Variants in MBNL2 observed in about 807,000 individuals in gnomAD.
MBNL2 encodes muscleblind like splicing regulator 2.
In MBNL2, 17 loss-of-function variants were observed where a neutral mutation model predicts 41.9. The ratio of observed to expected loss-of-function variants is 0.41; its 90% confidence interval spans 0.28 to 0.61. MBNL2 has a LOEUF of 0.61. MBNL2 is among the 20% of genes least tolerant of loss of function. The pLI, the probability that MBNL2 is intolerant of heterozygous loss-of-function variation, is 0.35. For missense variants in MBNL2, 336 were observed against 505.6 expected (o/e 0.66, Z 3.22); for synonymous variants, 195 against 182.9 (o/e 1.07, Z -0.53).
At chr13:97,174,325 G>T in the MBNL2 span, among the ~76,000 whole-genome samples, 1 of 152,146 alleles carries the variant, frequency 6.6e-6, no homozygotes, top group Non-Finnish European at 1.5e-5. Context: ...ACACAGAAAA[G>T]TTGACCCTTC....
At chr13:97,283,125 G>A (rs9516889) in intron 2 of MBNL2, among the ~76,000 whole-genome samples, 86,921 of 151,910 alleles carry the variant, frequency 0.57, 25,934 homozygotes, top group East Asian at 0.7. Context: ...CTTTCACCAC[G>A]CTCACCGCCC....
chr13:97,155,434 C>T, the MBNL2 span, among the ~76,000 whole-genome samples: 7 of 147,834 alleles, frequency 4.7e-5, no homozygotes, highest in East Asian at 2.0e-4. Context: ...TTAGGGTACA[C>T]GTGCACATTG....
chr13:97,367,749 G>A (rs1335224506), intron 8 of MBNL2, among the ~76,000 whole-genome samples: 1 of 152,122 alleles, frequency 6.6e-6, no homozygotes, highest in Non-Finnish European at 1.5e-5. Context: ...AGGGGAGGCC[G>A]AACAGCAGTG....
At chr13:97,150,857 G>T in the MBNL2 span, among the ~76,000 whole-genome samples, 1 of 152,170 alleles carries the variant, frequency 6.6e-6, no homozygotes, top group Admixed American at 6.6e-5. Flanking sequence ...TGACTGTGGG[G>T]CTGCCCAGGG....
the MBNL2 span, among the ~76,000 whole-genome samples, chr13:97,198,138 A>G: frequency 3.3e-5 from 5 of 152,148 alleles, no homozygotes; most frequent in Admixed American, 1.3e-4. Flanking sequence ...TTAAAGTAGT[A>G]GACTGAGTAA....
At position 97,346,906 on chromosome 13, in the gene MBNL2, G is replaced by T. The variant is rs149200518; in HGVS notation, c.643G>T (p.Val215Leu). ...CATGATCGACACAAGTGACAACACC[G>T]TAACCGTTTGTATGGATTACATAAA... ...STMIDTSDNT[V>L]TVCMDYIKGR... The change falls in exon 5 of 9, where the codon GTA (valine) becomes TTA (leucine). Residue 215 changes from valine (V) to leucine (L), a missense_variant. Physicochemically the swap from Val to Leu is conservative, Grantham distance 32. Coordinates refer to ENST00000679496, the MANE Select transcript of MBNL2 (RefSeq NM_001382683.1). The surrounding 1 kb of genome is among the most constrained non-coding windows in gnomAD (Gnocchi z 4.2). The T allele has an allele frequency of 6.2e-7, 1 of 1,613,954 alleles. No homozygotes were observed. The highest frequency in any genetic ancestry group is 1.3e-5 in the African/African-American group (1 of 74,928).
the MBNL2 span, among the ~76,000 whole-genome samples, chr13:97,152,441 C>T: frequency 5.9e-5 from 9 of 152,084 alleles, no homozygotes; most frequent in East Asian, 3.9e-4. Flanking sequence ...ATTAAAAGTA[C>T]GGCCAAGTGC....
chr13:97,170,507 C>T, the MBNL2 span, among the ~76,000 whole-genome samples: 1 of 152,062 alleles, frequency 6.6e-6, no homozygotes, highest in Non-Finnish European at 1.5e-5. Context: ...ATGGAAAGCT[C>T]GTAGGTTAGG....
chr13:97,280,780 C>T (rs1282565119), intron 2 of MBNL2, among the ~76,000 whole-genome samples: 3 of 152,246 alleles, frequency 2.0e-5, no homozygotes, highest in Non-Finnish European at 4.4e-5. Context: ...CTTGCTCTTT[C>T]CTCTGTTTGG....
rs755365350 is a variant in MBNL2 at position 97,334,470 on chromosome 13, G to T, written c.339+30G>T. ...GTACATCTTTATTCAGTGATGAGTTGGATGGTTACAGTGTTGGTATGGATG... is the reference window on the plus strand; with the variant it reads ...GTACATCTTTATTCAGTGATGAGTTTGATGGTTACAGTGTTGGTATGGATG... On this transcript the variant is annotated intron_variant, in intron 3 of 8. Transcript: ENST00000679496. This position sits in a 1 kb window ranked among gnomAD's most constrained non-coding sequence, Gnocchi z 5.3. 1.4e-5 allele frequency: 22 copies of T among 1,566,354 alleles called. No homozygotes were observed. In the African/African-American group the frequency reaches 1.5e-4, roughly 11 times the overall value.
At chr13:97,339,362 A>G (rs1021097375) in intron 3 of MBNL2, among the ~76,000 whole-genome samples, 41 of 151,866 alleles carry the variant, frequency 2.7e-4, no homozygotes, top group Non-Finnish European at 5.2e-4. Flanking sequence ...GCGGAGAGGA[A>G]CACGGGAAGG....
At chr13:97,274,088 T>C (rs1417379884) in intron 1 of MBNL2, among the ~76,000 whole-genome samples, 1 of 151,844 alleles carries the variant, frequency 6.6e-6, no homozygotes, top group African/African-American at 2.4e-5. Flanking sequence ...ATTAAAAAAC[T>C]TAAAAAGCCC....
At chr13:97,194,759 A>T in the MBNL2 span, among the ~76,000 whole-genome samples, 1 of 152,208 alleles carries the variant, frequency 6.6e-6, no homozygotes, top group Non-Finnish European at 1.5e-5. Flanking sequence ...TGCTTATTAT[A>T]TGCTAATTGT....
chr13:97,296,561 A>C (rs2057044410), intron 2 of MBNL2, among the ~76,000 whole-genome samples: 2 of 152,294 alleles, frequency 1.3e-5, no homozygotes, highest in South Asian at 4.2e-4. Flanking sequence ...AGAATTTTTC[A>C]GTGTAGCTAT....
the MBNL2 span, among the ~76,000 whole-genome samples, chr13:97,177,957 TC>T: frequency 6.6e-6 from 1 of 152,200 alleles, no homozygotes; most frequent in East Asian, 1.9e-4. Flanking sequence ...GTAAGTTGCA[TC>T]CATTGCCAGA....
chr13:97,375,448 G>A (rs2153145130), intron 8 of MBNL2, among the ~76,000 whole-genome samples: 1 of 152,320 alleles, frequency 6.6e-6, no homozygotes, highest in African/African-American at 2.4e-5. Flanking sequence ...ATAGGTCTGA[G>A]GGGTGTGTAG....
rs766126526 is a variant in MBNL2 at position 97,276,280 on chromosome 13, A to C, written c.45A>C (p.Thr15=). The change falls in exon 2 of 9, where the codon ACA becomes ACC. Residue 15 remains threonine (T), a synonymous_variant. Transcript: ENST00000679496. ...VAPVRDTKWL[T]LEVCRQFQRG... is the part of the protein sequence containing the mutation. ...CAGTCAGAGATACAAAATGGCTGACATTAGAAGTCTGCAGACAGTTTCAAA... is the reference window on the plus strand; with the variant it reads ...CAGTCAGAGATACAAAATGGCTGACCTTAGAAGTCTGCAGACAGTTTCAAA... 6.8e-6 allele frequency: 11 copies of C among 1,614,022 alleles called. No homozygotes were observed. The highest frequency in any genetic ancestry group is 9.3e-6 in the Non-Finnish European group (11 of 1,179,884).
At chr13:97,339,287 G>C (rs1439552669) in intron 3 of MBNL2, among the ~76,000 whole-genome samples, 2 of 8,836 alleles carry the variant, frequency 2.3e-4, no homozygotes, top group Non-Finnish European at 4.6e-4. Context: ...AGTGTGTGTG[G>C]GTGTGTTTGT....
At chr13:97,291,916 AAG>A (rs1491584019) in intron 2 of MBNL2, among the ~76,000 whole-genome samples, 2 of 122,716 alleles carry the variant, frequency 1.6e-5, no homozygotes, top group African/African-American at 3.2e-5. Context: ...AAAAAAAAAA[AAG>A]TGGGCTGGGT....
Sources: allele counts gnomAD v4.1 joint callset (sites outside exome capture counted in the v4.1 genomes callset), GRCh38; gene constraint gnomAD v4.1.1; non-coding constraint Gnocchi (gnomAD v3.1); transcripts MANE v1.5; gene names NCBI Gene and HGNC (gene_info 2026-07-23, HGNC 2026-07-21).